Variants in TRIT1 observed in about 807,000 individuals in gnomAD.
TRIT1 encodes tRNA dimethylallyltransferase.
TRIT1 carries 43 observed loss-of-function variants against 51.2 expected under a neutral mutation model. That is an observed-to-expected ratio of 0.84 (90% CI 0.66 to 1.08). The LOEUF is 1.08. TRIT1 is among the 50% of genes least tolerant of loss of function. TRIT1 has a pLI of 0.00. For missense variants in TRIT1, 528 were observed against 578.4 expected (o/e 0.91, Z 0.89); for synonymous variants, 184 against 203.9 (o/e 0.90, Z 0.83).
At position 39,847,606 on chromosome 1, in the gene TRIT1, C is replaced by T. The variant is rs1360431523; in HGVS notation, c.870G>A (p.Glu290=). 1 of 1,614,180 alleles carries T rather than the reference C, an allele frequency of 6.2e-7. No homozygotes were observed. Residue 290 remains glutamate (E), a synonymous_variant, in exon 7 of 11, where the codon GAG becomes GAA. Coordinates refer to ENST00000316891, the MANE Select transcript of TRIT1 (RefSeq NM_017646.6). ...TGCATTTTCCCTCAGTGATCAGGTA[C>T]TCGTGAAATTCCTTGAAGCCAATTG... ...FQSIGFKEFH[E]YLITEGKCTL...
intron 4 of TRIT1, among the ~76,000 whole-genome samples, chr1:39,851,656 T>C (rs1237990617): frequency 2.6e-5 from 4 of 152,096 alleles, no homozygotes; most frequent in Non-Finnish European, 5.9e-5. Context: ...AGAAATCCTT[T>C]TCTTGGCTGA....
chr1:39,872,418 A>T (rs1478842414), intron 1 of TRIT1, among the ~76,000 whole-genome samples: 1 of 152,192 alleles, frequency 6.6e-6, no homozygotes, highest in Non-Finnish European at 1.5e-5. Flanking sequence ...GTAGGCAAAC[A>T]TTGTACTCTA....
At chr1:39,875,958 T>C (rs1267085249) in intron 1 of TRIT1, 1 of 152,114 alleles carries the variant, frequency 6.6e-6, no homozygotes, top group African/African-American at 2.4e-5. Context: ...TATATATTAT[T>C]CTTGCTATTA....
chr1:39,880,639 G>A (rs917728486), intron 1 of TRIT1, among the ~76,000 whole-genome samples: 1 of 151,620 alleles, frequency 6.6e-6, no homozygotes, highest in Admixed American at 6.6e-5. Context: ...TCTCTACTAA[G>A]AATACAAAAA....
intron 1 of TRIT1, 67 bp downstream of exon 1, chr1:39,883,251 C>T (rs1323038445): frequency 2.6e-6 from 4 of 1,529,530 alleles, no homozygotes; most frequent in Non-Finnish European, 3.5e-6. Flanking sequence ...CCTTTAAGAC[C>T]TTTGCCACAG....
chr1:39,871,110 T>C (rs1296991002), intron 1 of TRIT1, among the ~76,000 whole-genome samples: 1 of 152,074 alleles, frequency 6.6e-6, no homozygotes, highest in Non-Finnish European at 1.5e-5. Context: ...GGAGAATCAT[T>C]TGAACCCGGG....
chr1:39,875,048 C>T (rs55966158), intron 1 of TRIT1, among the ~76,000 whole-genome samples: 3,241 of 152,204 alleles, frequency 0.021, 68 homozygotes, highest in East Asian at 0.11. Flanking sequence ...TAACCAAAAT[C>T]CTGTTGGTTC....
chr1:39,858,501 G>C (rs910554481), intron 1 of TRIT1, among the ~76,000 whole-genome samples: 2 of 152,138 alleles, frequency 1.3e-5, no homozygotes, highest in Non-Finnish European at 2.9e-5. Context: ...CTACTAAAAA[G>C]CACTTAGTTT....
chr1:39,843,202 A>T (rs1490631635), intron 10 of TRIT1, among the ~76,000 whole-genome samples: 2 of 152,186 alleles, frequency 1.3e-5, no homozygotes, highest in African/African-American at 4.8e-5. Flanking sequence ...AGACCTAATC[A>T]TCCTATTGGT....
chr1:39,867,652 T>A (rs915156933), intron 1 of TRIT1, among the ~76,000 whole-genome samples: 1 of 152,002 alleles, frequency 6.6e-6, no homozygotes, highest in African/African-American at 2.4e-5. Context: ...CTGCTTGGAG[T>A]CCACCTGCAA....
At chr1:39,870,188 TG>T (rs1643811077) in intron 1 of TRIT1, among the ~76,000 whole-genome samples, 1 of 152,188 alleles carries the variant, frequency 6.6e-6, no homozygotes, top group South Asian at 2.1e-4. Context: ...TGCCTTGGGA[TG>T]CTGTTAATCT....
At chr1:39,857,198 G>T in intron 2 of TRIT1, 79 bp downstream of exon 2, 1 of 1,488,190 alleles carries the variant, frequency 6.7e-7, no homozygotes, top group Non-Finnish European at 9.0e-7. Flanking sequence ...AGAAGAAATT[G>T]CCACTAGAAA....
chr1:39,870,064 T>G (rs1570106152), intron 1 of TRIT1, among the ~76,000 whole-genome samples: 1 of 152,024 alleles, frequency 6.6e-6, no homozygotes, highest in South Asian at 2.1e-4. Flanking sequence ...TTTTGTCAAG[T>G]GGAAGGGGGG....
At chr1:39,867,948 C>CT (rs35131569) in intron 1 of TRIT1, among the ~76,000 whole-genome samples, 5,161 of 144,932 alleles carry the variant, frequency 0.036, 129 homozygotes, top group East Asian at 0.11. Flanking sequence ...CTTCAAGATT[C>CT]TTTTTTTTTT....
intron 1 of TRIT1, among the ~76,000 whole-genome samples, chr1:39,866,986 A>G (rs1235799857): frequency 6.6e-6 from 1 of 152,146 alleles, no homozygotes; most frequent in East Asian, 1.9e-4. Context: ...ACTGTCTCAA[A>G]AAATAAAATA....
intron 4 of TRIT1, among the ~76,000 whole-genome samples, chr1:39,852,254 T>C (rs1204214703): frequency 1.3e-5 from 2 of 152,168 alleles, no homozygotes; most frequent in Non-Finnish European, 2.9e-5. Flanking sequence ...CCTTGTGAGT[T>C]CATTCACTAC....
At position 39,844,511 on chromosome 1, in the gene TRIT1, G is replaced by A. The variant is rs1012066048; in HGVS notation, c.1116+20C>T. ...TGCTCTGAAAACCAGAAAATAGAATGTATCATGATTCATAATTACCTGGAT... is the reference window on the plus strand; with the variant it reads ...TGCTCTGAAAACCAGAAAATAGAATATATCATGATTCATAATTACCTGGAT... On this transcript the variant is annotated intron_variant, in intron 9 of 10. Coordinates refer to ENST00000316891, the MANE Select transcript of TRIT1 (RefSeq NM_017646.6). 1.3e-6 allele frequency: 2 copies of A among 1,578,798 alleles called. No individual in the cohort carries two copies. Among genetic ancestry groups the A allele is most frequent in the Non-Finnish European group, 8.7e-7 (1 of 1,147,914 alleles).
rs570650111 is a variant in TRIT1 at position 39,864,833 on chromosome 1, A to G, written c.175-7416T>C. Among the ~76,000 whole-genome samples the G allele has an allele frequency of 2.6e-5, 4 of 152,198 alleles. No individual in the cohort carries two copies. In the East Asian group the frequency reaches 7.7e-4, roughly 29 times the overall value. The stretch of plus-strand genomic sequence containing the variant: ...GCAGTGGGCAGATCCCAGAGCTCTG[A>G]GTGCTGGCTGTGATGTCCCAACATA... On this transcript the variant is annotated intron_variant, in intron 1 of 10. Transcript: ENST00000316891.
chr1:39,868,812 C>T (rs1004551697), intron 1 of TRIT1, among the ~76,000 whole-genome samples: 2 of 151,960 alleles, frequency 1.3e-5, no homozygotes, highest in African/African-American at 2.4e-5. Flanking sequence ...GTAATCCCAG[C>T]ACTTTGGGAG....
Sources: allele counts gnomAD v4.1 joint callset (sites outside exome capture counted in the v4.1 genomes callset), GRCh38; gene constraint gnomAD v4.1.1; transcripts MANE v1.5; gene names NCBI Gene and HGNC (gene_info 2026-07-23, HGNC 2026-07-21).